NFIA: variants seen among roughly 807,000 people sequenced by gnomAD.
The protein encoded by NFIA is nuclear factor 1 A-type.
NFIA carries 8 observed loss-of-function variants against 62.8 expected under a neutral mutation model. That is an observed-to-expected ratio of 0.13 (90% confidence interval 0.07 to 0.23). The LOEUF is 0.23. NFIA is among the 10% of genes least tolerant of loss of function. The pLI, the probability that NFIA is intolerant of heterozygous loss-of-function variation, is 1.00. For missense variants in NFIA, 410 were observed against 642.1 expected (o/e 0.64, Z 3.91); for synonymous variants, 235 against 238.1 (o/e 0.99, Z 0.12).
intron 10 of NFIA, 53 bp from the exon 11 acceptor site, chr1:61,455,250 C>A: frequency 6.2e-7 from 1 of 1,603,010 alleles, no homozygotes; most frequent in Non-Finnish European, 8.5e-7. Flanking sequence ...ACTTCTAAAA[C>A]ACACGTTTTT....
chr1:61,285,544 C>G (rs1460716300), intron 3 of NFIA, among the ~76,000 whole-genome samples: 1 of 152,110 alleles, frequency 6.6e-6, no homozygotes, highest in Admixed American at 6.5e-5. Context: ...TTTTTGGCAC[C>G]TTTTCTCCCT....
rs1442414427 is a variant in NFIA, at chr1:61,331,662, G to A, written c.626-850G>A. Reference sequence around the variant, plus strand: ...TCTCAACTAGACTCTACCTGTGTGAGAGTCATAGAATCAGAAAATTTTAGA... The same window carrying A: ...TCTCAACTAGACTCTACCTGTGTGAAAGTCATAGAATCAGAAAATTTTAGA... On this transcript the variant is annotated intron_variant, in intron 3 of 10. Coordinates refer to ENST00000403491, the MANE Select transcript of NFIA (RefSeq NM_001134673.4). Among the ~76,000 whole-genome samples, 3 of 152,150 alleles carry A rather than the reference G, an allele frequency of 2.0e-5. No homozygotes were observed. The South Asian group carries it at 6.2e-4, about 32-fold the overall frequency.
intron 5 of NFIA, among the ~76,000 whole-genome samples, chr1:61,354,034 A>G (rs1315647584): frequency 6.6e-6 from 1 of 152,092 alleles, no homozygotes; most frequent in African/African-American, 2.4e-5. Flanking sequence ...TTTGTTTTTC[A>G]TGTGTGTGCT....
chr1:61,253,488 G>A (rs1355042762), intron 2 of NFIA: 1 of 152,246 alleles, frequency 6.6e-6, no homozygotes, highest in Non-Finnish European at 1.5e-5. Context: ...TTACTGCTGT[G>A]GCTCATGGTG....
intron 2 of NFIA, among the ~76,000 whole-genome samples, chr1:61,093,313 G>A (rs1646352652): frequency 6.6e-6 from 1 of 151,548 alleles, no homozygotes; most frequent in South Asian, 2.1e-4. Flanking sequence ...AAGTGTGTTT[G>A]GAAAAAGAAT....
chr1:61,271,241 C>T (rs1280427233), intron 2 of NFIA, among the ~76,000 whole-genome samples: 1 of 152,172 alleles, frequency 6.6e-6, no homozygotes, highest in East Asian at 1.9e-4. Context: ...TATCATTCTG[C>T]AACCTCCTTG....
chr1:61,239,469 T>C (rs1489267998), intron 2 of NFIA, among the ~76,000 whole-genome samples: 3 of 152,230 alleles, frequency 2.0e-5, no homozygotes, highest in African/African-American at 7.2e-5. Context: ...AAAATATTTT[T>C]AGTTGCTTAT....
intron 3 of NFIA, among the ~76,000 whole-genome samples, chr1:61,292,430 C>T (rs1658949936): frequency 6.6e-6 from 1 of 152,074 alleles, no homozygotes; most frequent in Admixed American, 6.6e-5. Context: ...TCCAATTGAT[C>T]TTTCTTAATT....
rs1257315193 is a variant in NFIA at position 61,088,229 on chromosome 1, A to G, written c.108A>G (p.Arg36=). The change falls in exon 2 of 11, where the codon CGA becomes CGG. Residue 36 remains arginine, a synonymous_variant. Transcript: ENST00000403491. This position sits in a 1 kb window ranked among gnomAD's most constrained non-coding sequence, Gnocchi z 4.5. ...FAYTWFNLQA[R]KRKYFKKHEK... is the part of the protein sequence containing the mutation. The stretch of plus-strand genomic sequence containing the variant: ...ACACATGGTTCAACCTGCAGGCCCG[A>G]AAACGAAAATACTTCAAAAAACATG... The G allele has an allele frequency of 6.2e-7, 1 of 1,613,698 alleles. No individual in the cohort carries two copies. Among genetic ancestry groups the G allele is most frequent in the Non-Finnish European group, 8.5e-7 (1 of 1,179,930 alleles).
At chr1:61,205,468 G>A (rs921072260) in intron 2 of NFIA, among the ~76,000 whole-genome samples, 25 of 152,132 alleles carry the variant, frequency 1.6e-4, no homozygotes, top group Admixed American at 5.2e-4. Context: ...TTCTAGAATC[G>A]AGCAAATCTG....
chr1:61,317,806 T>A (rs1249797511), intron 3 of NFIA, among the ~76,000 whole-genome samples: 1 of 152,256 alleles, frequency 6.6e-6, no homozygotes, highest in African/African-American at 2.4e-5. Context: ...TTATGTTTGT[T>A]ATTTATAACA....
intron 9 of NFIA, among the ~76,000 whole-genome samples, chr1:61,418,060 A>G (rs1666436715): frequency 6.6e-6 from 1 of 152,146 alleles, no homozygotes; most frequent in African/African-American, 2.4e-5. Flanking sequence ...TTTAAAATTT[A>G]TTTTCTATTT....
intron 2 of NFIA, among the ~76,000 whole-genome samples, chr1:61,141,384 G>A (rs541691488): frequency 1.3e-5 from 2 of 150,508 alleles, no homozygotes; most frequent in Non-Finnish European, 3.0e-5. Context: ...ACCAGAAACC[G>A]GGCATCATCT....
intron 2 of NFIA, among the ~76,000 whole-genome samples, chr1:61,206,088 A>G (rs927897275): frequency 2.0e-5 from 3 of 151,758 alleles, no homozygotes; most frequent in Admixed American, 2.0e-4. Context: ...TTTATGCCCA[A>G]CTAATGTTTT....
rs1049195625 is a variant in NFIA at position 61,092,029 on chromosome 1, A to AT, written c.559+3350dup. 5.2e-4 allele frequency among the ~76,000 whole-genome samples: 79 copies of AT among 152,288 alleles called. 1 individual carries two copies. The highest frequency in any genetic ancestry group is 1.8e-3 in the African/African-American group (75 of 41,560). ...ATGACAGTTTCACAATTTATATTTGATATTATTACCTGCCATGGGGTAGAA... is the reference window on the plus strand; with the variant it reads ...ATGACAGTTTCACAATTTATATTTGATTATTATTACCTGCCATGGGGTAGAA... On this transcript the variant is annotated intron_variant, in intron 2 of 10. Transcript: ENST00000403491.
At chr1:61,221,236 AT>A (rs1288506732) in intron 2 of NFIA, among the ~76,000 whole-genome samples, 2 of 152,144 alleles carry the variant, frequency 1.3e-5, no homozygotes, top group Non-Finnish European at 2.9e-5. Context: ...ATTTAATAAG[AT>A]TACTATTATT....
chr1:61,310,957 C>T (rs1214073210), intron 3 of NFIA, among the ~76,000 whole-genome samples: 1 of 152,136 alleles, frequency 6.6e-6, no homozygotes, highest in African/African-American at 2.4e-5. Context: ...TGGGCAGGTC[C>T]CAGTCTTTAT....
intron 8 of NFIA, 52 bp from the exon 9 acceptor site, chr1:61,406,510 C>G: frequency 6.7e-7 from 1 of 1,482,046 alleles, no homozygotes. Flanking sequence ...TGGTTGCTGT[C>G]TCTTTCTTCT....
At chr1:61,390,745 G>A (rs953291878) in intron 7 of NFIA, among the ~76,000 whole-genome samples, 15 of 152,152 alleles carry the variant, frequency 9.9e-5, no homozygotes, top group East Asian at 7.7e-4. Context: ...TAAAATAGGA[G>A]GGTGACAGTC....
Sources: gnomAD v4.1 joint callset for allele counts (sites outside exome capture counted in the v4.1 genomes callset) on GRCh38, gnomAD v4.1.1 for gene constraint, Gnocchi (gnomAD v3.1) non-coding constraint, MANE v1.5 for transcripts, NCBI Gene and HGNC (gene_info 2026-07-23, HGNC 2026-07-21) for gene names.